CHRM3: variants seen among roughly 807,000 people sequenced by gnomAD.
CHRM3 encodes muscarinic acetylcholine receptor M3.
A neutral mutation model predicts 41.8 loss-of-function variants in CHRM3; 11 were observed. The ratio of observed to expected loss-of-function variants is 0.26; its 90% CI spans 0.17 to 0.44. CHRM3 has a LOEUF of 0.44. CHRM3 is among the 20% of genes least tolerant of loss of function. The probability of loss-of-function intolerance (pLI) is 1.00; values close to 1 mark genes in which losing one functional copy is unlikely to be tolerated. For missense variants in CHRM3, 571 were observed against 745.4 expected, an observed-to-expected ratio of 0.77 and a Z score of 2.72; for synonymous variants, 297 against 301.4, an observed-to-expected ratio of 0.99 and a Z score of 0.15.
At chr1:239,711,807 G>C (rs1348542707) in intron 5 of CHRM3, among the ~76,000 whole-genome samples, 2 of 151,796 alleles carry the variant, frequency 1.3e-5, no homozygotes, top group Admixed American at 1.3e-4. Context: ...TCTTGCTTCA[G>C]CCTCTAGAGT....
At chr1:239,650,699 GGGAAGATTTT>G (rs1672156879) in intron 4 of CHRM3, among the ~76,000 whole-genome samples, 1 of 152,198 alleles carries the variant, frequency 6.6e-6, no homozygotes, top group Non-Finnish European at 1.5e-5. Context: ...CTAAAAGTGA[GGGAAGATTTT>G]GTGTGTGCAT....
intron 1 of CHRM3, among the ~76,000 whole-genome samples, chr1:239,488,268 T>G (rs1667317317): frequency 1.3e-5 from 2 of 152,154 alleles, no homozygotes; most frequent in Non-Finnish European, 2.9e-5. Flanking sequence ...TAACTCCTCC[T>G]AAAAGTCAAA....
At chr1:239,759,649 AAAATT>A (rs1285913388) in intron 5 of CHRM3, among the ~76,000 whole-genome samples, 4 of 152,184 alleles carry the variant, frequency 2.6e-5, no homozygotes, top group Admixed American at 2.0e-4. Context: ...AATGAACTGT[AAAATT>A]AAGAGATTTT....
chr1:239,459,849 C>T (rs1176018666), intron 1 of CHRM3, among the ~76,000 whole-genome samples: 1 of 152,106 alleles, frequency 6.6e-6, no homozygotes, highest in African/African-American at 2.4e-5. Flanking sequence ...AATGCATTAA[C>T]AGATGGGATT....
At chr1:239,683,749 A>AT (rs1387991425) in intron 5 of CHRM3, among the ~76,000 whole-genome samples, 1 of 152,174 alleles carries the variant, frequency 6.6e-6, no homozygotes, top group Non-Finnish European at 1.5e-5. Flanking sequence ...GTCAGGTAAT[A>AT]TATTACCTAA....
At position 239,725,271 on chromosome 1, in the gene CHRM3, A is replaced by G. The variant is rs544972350; in HGVS notation, c.-147+46983A>G. On this transcript the variant is annotated intron_variant, in intron 5 of 6. Coordinates refer to ENST00000676153, the MANE Select transcript of CHRM3 (RefSeq NM_001375978.1). Reference sequence around the variant, plus strand: ...TAGAAGGGTTAAATTGAAGCTTGGGAAACATAAATACCTGTAATTGGTGAA... The same window carrying G: ...TAGAAGGGTTAAATTGAAGCTTGGGGAACATAAATACCTGTAATTGGTGAA... Among the ~76,000 whole-genome samples the G allele has an allele frequency of 1.3e-4, 20 of 152,050 alleles. No individual in the cohort carries two copies. In the South Asian group the frequency reaches 3.9e-3, roughly 30 times the overall value.
In CHRM3 at chr1:239,909,316, T is replaced by A; in HGVS notation, c.*92T>A. On this transcript the variant is annotated 3_prime_UTR_variant, in exon 7 of 7. Transcript: ENST00000676153. Reference sequence around the variant, plus strand: ...GCGAGGGCGGGGTGACTTCTGGTGATGATAAAAATGGTTTTATCACCCAGA... The same window carrying A: ...GCGAGGGCGGGGTGACTTCTGGTGAAGATAAAAATGGTTTTATCACCCAGA... The A allele has an allele frequency of 7.4e-7, 1 of 1,348,676 alleles. No individual in the cohort carries two copies. The highest frequency in any genetic ancestry group is 1.0e-6 in the Non-Finnish European group (1 of 992,348). 83.5% of individuals were successfully genotyped at this position (1,348,676 alleles called of 1,614,324 possible). A position where few individuals can be genotyped will look rare whatever the true frequency, so the allele number is the denominator to read the frequency against.
rs1558195414 is a variant in CHRM3, at chr1:239,404,396, GAAAGAAAGAAAGAAAA to G, written c.-521+17171_-521+17186del. Among the ~76,000 whole-genome samples, 544 of 64,414 alleles carry G rather than the reference GAAAGAAAGAAAGAAAA, an allele frequency of 8.4e-3. 10 individuals are homozygous for G. The highest frequency in any genetic ancestry group is 0.018 in the African/African-American group (297 of 16,892). The allele number at this position is 64,414 out of a possible 152,430, so 42.3% of individuals were successfully genotyped here. Reference sequence around the variant, plus strand: ...AGAAAGAAAGAAAGAAAGAAAGAAAGAAAGAAAGAAAGAAAAAGAAAGAAAGAAAGAAAGAAAGAAA... The same window carrying G: ...AGAAAGAAAGAAAGAAAGAAAGAAAGAGAAAGAAAGAAAGAAAGAAAGAAA... On this transcript the variant is annotated intron_variant, in intron 1 of 6. Transcript: ENST00000676153.
At chr1:239,517,136 A>G (rs537365684) in intron 2 of CHRM3, among the ~76,000 whole-genome samples, 2 of 152,336 alleles carry the variant, frequency 1.3e-5, no homozygotes, top group East Asian at 1.9e-4. Context: ...CCCGGTCCAT[A>G]GAAAAATTGT....
intron 1 of CHRM3, among the ~76,000 whole-genome samples, chr1:239,445,780 A>G (rs920063191): frequency 6.6e-6 from 1 of 152,202 alleles, no homozygotes; most frequent in Non-Finnish European, 1.5e-5. Flanking sequence ...GCCAGTTAAT[A>G]TGAATGCTAT....
chr1:239,399,679 C>A (rs1659797058), intron 1 of CHRM3, among the ~76,000 whole-genome samples: 1 of 151,954 alleles, frequency 6.6e-6, no homozygotes, highest in Admixed American at 6.6e-5. Flanking sequence ...GAAGAATTTT[C>A]TTCTCTTTTA....
intron 4 of CHRM3, among the ~76,000 whole-genome samples, chr1:239,653,936 G>A (rs964399720): frequency 6.6e-6 from 1 of 152,168 alleles, no homozygotes; most frequent in Non-Finnish European, 1.5e-5. Flanking sequence ...AGCACATGAA[G>A]AAAGGGTAAA....
intron 3 of CHRM3, among the ~76,000 whole-genome samples, chr1:239,576,594 G>GCACACA (rs3063538): frequency 4.8e-4 from 68 of 141,778 alleles, no homozygotes; most frequent in Middle Eastern, 7.1e-3. Context: ...ACACACACAC[G>GCACACA]CACACACACA....
chr1:239,658,595 G>A (rs984946060), intron 4 of CHRM3, among the ~76,000 whole-genome samples: 2 of 152,060 alleles, frequency 1.3e-5, no homozygotes, highest in East Asian at 1.9e-4. Flanking sequence ...CTGGTATATT[G>A]GGACCCAATC....
intron 3 of CHRM3, among the ~76,000 whole-genome samples, chr1:239,619,974 A>G (rs889615931): frequency 6.6e-6 from 1 of 152,206 alleles, no homozygotes; most frequent in African/African-American, 2.4e-5. Flanking sequence ...TGGCTAAAGA[A>G]TAGTATTTTA....
In CHRM3 at chr1:239,531,691, G is replaced by GCTCTGT. The variant is rs1239785184; in HGVS notation, c.-421-13948_-421-13943dup. 1.6e-4 allele frequency among the ~76,000 whole-genome samples: 18 copies of GCTCTGT among 109,884 alleles called. No homozygotes were observed. The South Asian group carries it at 4.3e-3, about 26-fold the overall frequency. The allele number at this position is 109,884 out of a possible 152,430, so 72.1% of individuals were successfully genotyped here. On this transcript the variant is annotated intron_variant, in intron 2 of 6. Coordinates refer to ENST00000676153, the MANE Select transcript of CHRM3 (RefSeq NM_001375978.1). ...TTTTTTTTTTTGGAGGCAGAGTCTC[G>GCTCTGT]CTCTGTCGCCCAGGCTGGAGTGCAG...
chr1:239,416,182 A>G (rs1215272549), intron 1 of CHRM3, among the ~76,000 whole-genome samples: 1 of 152,188 alleles, frequency 6.6e-6, no homozygotes, highest in African/African-American at 2.4e-5. Context: ...GTTGATTTTT[A>G]TTAAATAAAA....
chr1:239,709,646 T>G (rs1558475306), intron 5 of CHRM3, among the ~76,000 whole-genome samples: 1 of 152,216 alleles, frequency 6.6e-6, no homozygotes, highest in Non-Finnish European at 1.5e-5. Flanking sequence ...ATAAATCCCT[T>G]TAACCTGTTG....
At chr1:239,754,818 T>A (rs1177084768) in intron 5 of CHRM3, among the ~76,000 whole-genome samples, 1 of 152,136 alleles carries the variant, frequency 6.6e-6, no homozygotes, top group Admixed American at 6.5e-5. Flanking sequence ...TTCAAATTCA[T>A]GAGTTACGGT....
Sources: gnomAD v4.1 joint callset for allele counts (sites outside exome capture counted in the v4.1 genomes callset) on GRCh38, gnomAD v4.1.1 for gene constraint, MANE v1.5 for transcripts, NCBI Gene and HGNC (gene_info 2026-07-23, HGNC 2026-07-21) for gene names.